Variants in MARCHF5 observed in about 807,000 individuals in gnomAD.
The protein encoded by MARCHF5 is membrane associated ring-CH-type finger 5.
MARCHF5 carries 5 observed loss-of-function variants against 36.5 expected under a neutral mutation model. The observed-to-expected ratio is 0.14, with a 90% CI of 0.07 to 0.29. The LOEUF (loss-of-function observed/expected upper bound fraction) is 0.29, where lower values mean the gene tolerates loss of function less well. Among genes scored for constraint, MARCHF5 ranks in the 10% least tolerant of loss-of-function variants. The pLI is 1.00. For synonymous variants in MARCHF5, 103 were observed against 109.9 expected (o/e 0.94, Z 0.39); for missense variants, 179 against 336.3 (o/e 0.53, Z 3.66).
chr10:92,349,914 T>A, intron 5 of MARCHF5, 77 bp downstream of exon 5: 1 of 1,218,016 alleles, frequency 8.2e-7, no homozygotes, highest in Non-Finnish European at 1.2e-6. Context: ...GGTGGGGAAC[T>A]GTATAAATAT....
intron 1 of MARCHF5, among the ~76,000 whole-genome samples, chr10:92,303,033 C>T (rs1248008477): frequency 6.6e-6 from 1 of 152,186 alleles, no homozygotes; most frequent in African/African-American, 2.4e-5. Context: ...AAAAGAAACA[C>T]CTGCAGTTTG....
At chr10:92,323,931 C>G (rs1384930779) in intron 2 of MARCHF5, among the ~76,000 whole-genome samples, 1 of 152,174 alleles carries the variant, frequency 6.6e-6, no homozygotes, top group Non-Finnish European at 1.5e-5. Flanking sequence ...AGCATGATTG[C>G]TGGATTGTAT....
intron 2 of MARCHF5, among the ~76,000 whole-genome samples, chr10:92,327,125 T>C (rs1471191971): frequency 6.6e-6 from 1 of 152,158 alleles, no homozygotes; most frequent in Admixed American, 6.5e-5. Context: ...TTTAGCAAGC[T>C]ACTTGCAAGC....
At chr10:92,345,895 A>G (rs1248846616) in intron 3 of MARCHF5, among the ~76,000 whole-genome samples, 1 of 151,876 alleles carries the variant, frequency 6.6e-6, no homozygotes, top group Admixed American at 6.6e-5. Context: ...GGGTTTCACC[A>G]TGTTGCCCAG....
intron 3 of MARCHF5, among the ~76,000 whole-genome samples, chr10:92,343,918 C>T (rs1325949025): frequency 2.6e-5 from 4 of 152,260 alleles, no homozygotes; most frequent in African/African-American, 9.6e-5. Flanking sequence ...ATTAGTACAT[C>T]ACCTGAGGAG....
chr10:92,304,152 T>C (rs542339157), intron 1 of MARCHF5, among the ~76,000 whole-genome samples: 41 of 152,324 alleles, frequency 2.7e-4, no homozygotes, highest in African/African-American at 9.4e-4. Context: ...CATTTTCCAC[T>C]GAATGCCAGG....
At chr10:92,318,642 A>G (rs532131458) in intron 2 of MARCHF5, among the ~76,000 whole-genome samples, 28 of 115,724 alleles carry the variant, frequency 2.4e-4, no homozygotes, top group Admixed American at 2.2e-3. Flanking sequence ...GAAAGAACGG[A>G]AAAAAAAAAA....
chr10:92,337,327 A>G (rs1483235731), intron 2 of MARCHF5, among the ~76,000 whole-genome samples: 2 of 151,844 alleles, frequency 1.3e-5, no homozygotes, highest in Non-Finnish European at 2.9e-5. Flanking sequence ...CCAATCTGAC[A>G]AACATGGAGA....
chr10:92,314,558 C>T (rs959482286), intron 2 of MARCHF5, among the ~76,000 whole-genome samples: 3 of 151,988 alleles, frequency 2.0e-5, no homozygotes, highest in African/African-American at 4.8e-5. Context: ...AGGACAATCA[C>T]GTGAACCTGG....
intron 2 of MARCHF5, among the ~76,000 whole-genome samples, chr10:92,334,239 C>A (rs1375434985): frequency 6.6e-6 from 1 of 152,152 alleles, no homozygotes. Flanking sequence ...CAGTTCAATG[C>A]AAAGCAAAAA....
Position 92,340,770 on chromosome 10 carries a change from A to C in MARCHF5, c.336A>C (p.Thr112=). The change falls in exon 3 of 6, where the codon ACA becomes ACC. Residue 112 remains threonine (T), a synonymous_variant. Coordinates refer to ENST00000358935, the MANE Select transcript of MARCHF5 (RefSeq NM_017824.5). ...AGIMVGSIYW[T]AVTYGAVTVM... The stretch of plus-strand genomic sequence containing the variant: ...TAATGGTCGGCTCTATCTATTGGAC[A>C]GCTGTGACTTATGGAGCAGTGACAG... 4 of 1,613,488 alleles carry C rather than the reference A, an allele frequency of 2.5e-6. No homozygotes were observed. Among genetic ancestry groups the C allele is most frequent in the Non-Finnish European group, 3.4e-6 (4 of 1,179,754 alleles).
intron 2 of MARCHF5, among the ~76,000 whole-genome samples, chr10:92,335,926 A>G (rs1204807591): frequency 6.6e-6 from 1 of 152,274 alleles, no homozygotes; most frequent in Non-Finnish European, 1.5e-5. Context: ...ATCAGTAGGT[A>G]GTTCCAAGTA....
At position 92,352,408 on chromosome 10, in the gene MARCHF5, A is replaced by T. The variant is rs1365693152; in HGVS notation, c.*1201A>T. ...TTTTAATTGTCCTATTGATGAGGCT[A>T]GCACCTTAATCACTGTTTAGTTTTG... On this transcript the variant is annotated 3_prime_UTR_variant, in exon 6 of 6. Coordinates refer to ENST00000358935, the MANE Select transcript of MARCHF5 (RefSeq NM_017824.5). The T allele has an allele frequency of 6.6e-6, 1 of 152,238 alleles. No homozygotes were observed. The highest frequency in any genetic ancestry group is 1.5e-5 in the Non-Finnish European group (1 of 68,044). The allele number at this position is 152,238 out of a possible 1,614,324, so 9.4% of individuals were successfully genotyped here.
At chr10:92,339,369 CAAAA>C (rs1268065893) in intron 2 of MARCHF5, among the ~76,000 whole-genome samples, 1 of 146,868 alleles carries the variant, frequency 6.8e-6, no homozygotes, top group African/African-American at 2.6e-5. Flanking sequence ...GACTCTGTCT[CAAAA>C]ATAAATAAAT....
chr10:92,295,139 C>CCTTGGTATATA (rs1317379599), intron 1 of MARCHF5, among the ~76,000 whole-genome samples: 1 of 151,804 alleles, frequency 6.6e-6, no homozygotes, highest in Admixed American at 6.6e-5. Context: ...TATTCTAGGC[C>CCTTGGTATATA]CTTGGTATAT....
intron 2 of MARCHF5, among the ~76,000 whole-genome samples, chr10:92,339,138 G>A (rs1402476146): frequency 1.3e-5 from 2 of 151,176 alleles, no homozygotes; most frequent in Non-Finnish European, 2.9e-5. Flanking sequence ...TGGAGGCCGA[G>A]GTGGGTGGAT....
At chr10:92,320,339 G>A (rs1462428341) in intron 2 of MARCHF5, among the ~76,000 whole-genome samples, 2 of 152,024 alleles carry the variant, frequency 1.3e-5, no homozygotes, top group Non-Finnish European at 2.9e-5. Flanking sequence ...TTACAGGCAT[G>A]ATCCACCATA....
At chr10:92,350,114 C>G in intron 5 of MARCHF5, 1 of 327,958 alleles carries the variant, frequency 3.0e-6, no homozygotes, top group African/African-American at 2.2e-5. Context: ...GATTACAGTA[C>G]TTTACGATCA....
chr10:92,298,946 A>C (rs1842979579), intron 1 of MARCHF5, among the ~76,000 whole-genome samples: 1 of 151,432 alleles, frequency 6.6e-6, no homozygotes, highest in African/African-American at 2.4e-5. Flanking sequence ...CTAGGAGCAC[A>C]GGGCAAGCCA....
Sources: allele counts gnomAD v4.1 joint callset (sites outside exome capture counted in the v4.1 genomes callset), GRCh38; gene constraint gnomAD v4.1.1; transcripts MANE v1.5; gene names NCBI Gene and HGNC (gene_info 2026-07-23, HGNC 2026-07-21).